The following SARDH variants were observed in gnomAD, a reference collection of about 807,000 sequenced individuals.
SARDH encodes sarcosine dehydrogenase, mitochondrial.
A neutral mutation model predicts 109.1 loss-of-function variants in SARDH; 95 were observed. That is an observed-to-expected ratio of 0.87 (90% CI 0.74 to 1.03). The LOEUF (loss-of-function observed/expected upper bound fraction) is 1.03, where lower values mean the gene tolerates loss of function less well. Ranked by LOEUF, SARDH falls within the 50% of genes least tolerant of loss-of-function variation. The pLI is 0.00. For missense variants in SARDH, 1,267 were observed against 1,287.8 expected, an observed-to-expected ratio of 0.98 and a Z score of 0.25; for synonymous variants, 572 against 534.8, an observed-to-expected ratio of 1.07 and a Z score of -0.96.
In SARDH at chr9:133,690,385, TG is replaced by T; in HGVS notation, c.2063del (p.Pro688GlnfsTer15). ...GGCTCCCAGTCCTCTCTCACCTGGC[TG>T]GGCCCTGGATACTGATCATACCCAG... The part of the protein sequence containing the change: ...EDLGMISIQG[P>X]ASRAILQEVL... On this transcript the variant is annotated frameshift_variant, in exon 16 of 21. Transcript: ENST00000439388. LOFTEE classifies it high-confidence loss of function. 1 of 1,609,984 alleles carries T rather than the reference TG, an allele frequency of 6.2e-7. No individual in the cohort carries two copies. The highest frequency in any genetic ancestry group is 8.5e-7 in the Non-Finnish European group (1 of 1,177,648).
At chr9:133,684,691 G>A (rs1010891695) in intron 17 of SARDH, among the ~76,000 whole-genome samples, 3 of 152,142 alleles carry the variant, frequency 2.0e-5, no homozygotes, top group African/African-American at 7.2e-5. Flanking sequence ...TAGAGTTGGT[G>A]GGGGACATGT....
chr9:133,695,715 G>A (rs1033929524), intron 14 of SARDH, among the ~76,000 whole-genome samples: 2 of 134,454 alleles, frequency 1.5e-5, no homozygotes, highest in Non-Finnish European at 3.1e-5. Flanking sequence ...ATGAAGATGG[G>A]GACGCATGAG....
At chr9:133,722,121 C>CAAAACAAA (rs145023084) in intron 6 of SARDH, among the ~76,000 whole-genome samples, 2 of 150,438 alleles carry the variant, frequency 1.3e-5, no homozygotes, top group South Asian at 4.2e-4. Context: ...GTCTCAAAAA[C>CAAAACAAA]ACAAAACAAA....
At chr9:133,726,394 A>ATAATAATAATAATAATAATAAT (rs59172198) in intron 6 of SARDH, among the ~76,000 whole-genome samples, 2 of 132,338 alleles carry the variant, frequency 1.5e-5, no homozygotes, top group African/African-American at 5.5e-5. Flanking sequence ...AATAATAATA[A>ATAATAATAATAATAATAATAAT]TAGTAGTAGT....
intron 6 of SARDH, chr9:133,725,546 G>C (rs28498131): frequency 2.3e-6 from 1 of 436,284 alleles, no homozygotes; most frequent in Non-Finnish European, 4.6e-6. Context: ...TGTGGTGACG[G>C]GCACATTTAA....
intron 6 of SARDH, among the ~76,000 whole-genome samples, chr9:133,720,838 A>G (rs1403192660): frequency 1.3e-5 from 2 of 152,250 alleles, no homozygotes; most frequent in Non-Finnish European, 2.9e-5. Context: ...GCCAAACTGT[A>G]TCAGAGTGAC....
chr9:133,670,127 A>G (rs1314607089), intron 19 of SARDH, among the ~76,000 whole-genome samples: 1 of 152,118 alleles, frequency 6.6e-6, no homozygotes, highest in Non-Finnish European at 1.5e-5. Flanking sequence ...AGGAGAGTTC[A>G]AGACCAGCCT....
Position 133,718,968 on chromosome 9 carries a change from G to T in SARDH, c.990C>A (p.Gly330=), listed in dbSNP as rs1454291984. The change falls in exon 7 of 21, where the codon GGC becomes GGA. Residue 330 remains glycine (G), a synonymous_variant. Transcript: ENST00000439388. This position sits in a 1 kb window ranked among gnomAD's most constrained non-coding sequence, Gnocchi z 4.2. ...CCCAAAAGATGGGGTTGGCCTCATA[G>T]CCACCCACAGACAAGGCATCCCCTT... ...RLQGDALSVG[G]YEANPIFWEE... The T allele has an allele frequency of 2.5e-6, 4 of 1,614,022 alleles. No homozygotes were observed. Among genetic ancestry groups the T allele is most frequent in the Non-Finnish European group, 3.4e-6 (4 of 1,180,002 alleles).
chr9:133,688,281 C>T (rs1299412206), intron 16 of SARDH, among the ~76,000 whole-genome samples: 3 of 152,190 alleles, frequency 2.0e-5, no homozygotes, highest in Non-Finnish European at 4.4e-5. Flanking sequence ...CCGGCAGCTG[C>T]GGCCAGCACC....
chr9:133,734,062 T>A lies in SARDH; in HGVS notation c.112A>T (p.Lys38Ter). The A allele has an allele frequency of 6.2e-7, 1 of 1,613,300 alleles. No individual in the cohort carries two copies. The highest frequency in any genetic ancestry group is 8.5e-7 in the Non-Finnish European group (1 of 1,179,956). ...AGGGTCCGCTGATATGGCACACTCT[T>A]CTCGGCTGTGGGGCCAGCTGCGCTG... ...LSSAAGPTAE[K>*]SVPYQRTLKE... Residue 38 changes from lysine (K) to a stop codon, truncating the protein, a stop_gained, in exon 2 of 21, where the codon AAG becomes TAG. Coordinates refer to ENST00000439388, the MANE Select transcript of SARDH (RefSeq NM_001134707.2). LOFTEE classifies it high-confidence loss of function.
At position 133,666,878 on chromosome 9, in the gene SARDH, A is replaced by G. The variant is rs756189767; in HGVS notation, c.2496-8T>C. The G allele has an allele frequency of 8.1e-6, 13 of 1,612,406 alleles. No individual in the cohort carries two copies. The highest frequency in any genetic ancestry group is 1.1e-5 in the Non-Finnish European group (13 of 1,179,656). On this transcript the variant is annotated splice_polypyrimidine_tract_variant and splice_region_variant and intron_variant, in intron 19 of 20. Transcript: ENST00000439388. The surrounding 1 kb of genome is among the most constrained non-coding windows in gnomAD (Gnocchi z 5.2). ...CCAAACATGGGTACTTTGCTGGAAG[A>G]AGCAGTAGAGAAAGCTGGGGCCCCA...
At chr9:133,697,004 CA>C (rs1831310841) in intron 13 of SARDH, among the ~76,000 whole-genome samples, 1 of 151,930 alleles carries the variant, frequency 6.6e-6, no homozygotes, top group African/African-American at 2.4e-5. Context: ...GAAAAAACAG[CA>C]AAACAAAAAG....
chr9:133,727,375 G>T (rs970669451), intron 6 of SARDH, among the ~76,000 whole-genome samples: 37 of 152,238 alleles, frequency 2.4e-4, no homozygotes, highest in African/African-American at 8.9e-4. Context: ...TCTGATCAGG[G>T]TAGACAGCGT....
chr9:133,734,226 G>A, intron 1 of SARDH, 23 bp from the exon 2 acceptor site: 8 of 1,457,998 alleles, frequency 5.5e-6, no homozygotes, highest in Non-Finnish European at 7.3e-6. Context: ...TCAGAGCTGG[G>A]TGGGGTGCAG....
chr9:133,688,415 G>A (rs572374991), intron 16 of SARDH, among the ~76,000 whole-genome samples: 4 of 145,586 alleles, frequency 2.7e-5, no homozygotes, highest in Non-Finnish European at 6.0e-5. Flanking sequence ...CCACCACAAC[G>A]CCAAACCCTC....
intron 6 of SARDH, among the ~76,000 whole-genome samples, chr9:133,723,983 T>C (rs2131483053): frequency 1.3e-5 from 2 of 152,198 alleles, no homozygotes; most frequent in Admixed American, 6.5e-5. Context: ...GCTAAAACTA[T>C]AAAAGCCTCA....
chr9:133,729,200 G>A (rs1350452435), intron 6 of SARDH, among the ~76,000 whole-genome samples: 2 of 152,038 alleles, frequency 1.3e-5, no homozygotes, highest in Non-Finnish European at 2.9e-5. Context: ...TGGAAAGAGG[G>A]GGGTCAGTAA....
At chr9:133,721,246 C>T (rs1322130194) in intron 6 of SARDH, among the ~76,000 whole-genome samples, 1 of 152,220 alleles carries the variant, frequency 6.6e-6, no homozygotes. Context: ...CATCACAACA[C>T]CGGATGGCCA....
Position 133,666,766 on chromosome 9 carries a change from T to C in SARDH, c.2600A>G (p.Tyr867Cys). 1.2e-6 allele frequency: 2 copies of C among 1,600,398 alleles called. No homozygotes were observed. The highest frequency in any genetic ancestry group is 1.1e-5 in the South Asian group (1 of 88,690). Residue 867 changes from tyrosine (Y) to cysteine (C), a missense_variant, in exon 20 of 21, where the codon TAC becomes TGC. Physicochemically the swap from Tyr to Cys is radical, Grantham distance 194 (BLOSUM62 -2). Coordinates refer to ENST00000439388, the MANE Select transcript of SARDH (RefSeq NM_001134707.2). The surrounding 1 kb of genome is among the most constrained non-coding windows in gnomAD (Gnocchi z 5.2). ...ACCGCTGGGGTCATGGATGTAACCG[T>C]AGGCGATGGTCTTGTCGATGGCGAA... is the stretch of plus-strand genomic sequence containing the variant. ...FGFAIDKTIA[Y>C]GYIHDPSGGP...
Sources: allele counts gnomAD v4.1 joint callset (sites outside exome capture counted in the v4.1 genomes callset), GRCh38; gene constraint gnomAD v4.1.1; non-coding constraint Gnocchi (gnomAD v3.1); transcripts MANE v1.5; gene names NCBI Gene and HGNC (gene_info 2026-07-23, HGNC 2026-07-21).